Variants in NCOA6 observed in about 807,000 individuals in gnomAD.
The protein encoded by NCOA6 is NRC RAP250.
In NCOA6, 49 loss-of-function variants were observed where a neutral mutation model predicts 171.4. The observed-to-expected ratio is 0.29, with a 90% confidence interval of 0.23 to 0.36. NCOA6 has a LOEUF of 0.36. NCOA6 is among the 10% of genes least tolerant of loss of function. The pLI, the probability that NCOA6 is intolerant of heterozygous loss-of-function variation, is 1.00. For synonymous variants in NCOA6, 910 were observed against 927.5 expected (o/e 0.98, Z 0.34); for missense variants, 2,248 against 2,554.5 (o/e 0.88, Z 2.59).
chr20:34,822,116 C>T (rs1211218242), intron 1 of NCOA6, among the ~76,000 whole-genome samples: 16 of 152,128 alleles, frequency 1.1e-4, no homozygotes, highest in Admixed American at 9.8e-4. Context: ...TGCTCAGTGC[C>T]CACAGTCTCT....
intron 2 of NCOA6, among the ~76,000 whole-genome samples, chr20:34,785,894 CAG>C (rs1221061257): frequency 4.4e-5 from 6 of 135,924 alleles, no homozygotes; most frequent in Non-Finnish European, 9.5e-5. Context: ...AAAAAAAAAA[CAG>C]AGAGAAATTG....
In NCOA6 at chr20:34,751,376, C is replaced by CAAAAAAAAAAAAAAAAA. The variant is rs35848122; in HGVS notation, c.1676-874_1676-858dup. Among the ~76,000 whole-genome samples, 61 of 68,208 alleles carry CAAAAAAAAAAAAAAAAA rather than the reference C, an allele frequency of 8.9e-4. 1 individual carries two copies. The highest frequency in any genetic ancestry group is 2.0e-3 in the African/African-American group (33 of 16,724). 44.7% of individuals were successfully genotyped at this position (68,208 alleles called of 152,430 possible). ...TGGGCGACAGAGCAAGACTCCGTCTCAAAAAAAAAAAAAAAAAAAAGAATG... is the reference window on the plus strand; with the variant it reads ...TGGGCGACAGAGCAAGACTCCGTCTCAAAAAAAAAAAAAAAAAAAAAAAAAAAAAAAAAAAAAGAATG... On this transcript the variant is annotated intron_variant, in intron 8 of 14. Coordinates refer to ENST00000359003, the MANE Select transcript of NCOA6 (RefSeq NM_014071.5).
intron 7 of NCOA6, among the ~76,000 whole-genome samples, chr20:34,757,005 G>A (rs904951830): frequency 6.6e-5 from 10 of 152,154 alleles, no homozygotes; most frequent in South Asian, 6.2e-4. Context: ...AATTTTACCT[G>A]AATTTTAGTC....
chr20:34,742,278 T>G lies in NCOA6; in HGVS notation c.3978A>C (p.Pro1326=). 6.2e-7 allele frequency: 1 copy of G among 1,614,238 alleles called. No individual in the cohort carries two copies. Among genetic ancestry groups the G allele is most frequent in the Non-Finnish European group, 8.5e-7 (1 of 1,180,044 alleles). ...SNSGATKRAS[P]SNSRRSSPGS... ...CAGGACTAGACCTGCGACTGTTGCT[T>G]GGACTTGCCCGTTTTGTTGCTCCAG... The change falls in exon 11 of 15, where the codon CCA becomes CCC. Residue 1326 remains proline (P), a synonymous_variant. Transcript: ENST00000359003.
At chr20:34,731,881 T>A (rs187306877) in intron 13 of NCOA6, among the ~76,000 whole-genome samples, 8 of 152,010 alleles carry the variant, frequency 5.3e-5, no homozygotes, top group African/African-American at 1.9e-4. Flanking sequence ...ATTAGCTAGG[T>A]GTGGTGGTAC....
chr20:34,778,249 T>A (rs187293097), intron 3 of NCOA6, among the ~76,000 whole-genome samples: 1 of 152,112 alleles, frequency 6.6e-6, no homozygotes, highest in Non-Finnish European at 1.5e-5. Flanking sequence ...TCCTGCCACA[T>A]GAATGGGCTT....
chr20:34,749,261 C>T, intron 9 of NCOA6, 142 bp downstream of exon 9: 1 of 1,069,304 alleles, frequency 9.4e-7, no homozygotes, highest in Non-Finnish European at 1.3e-6. Context: ...GAAGGCAAGA[C>T]AGACTATGAG....
intron 4 of NCOA6, among the ~76,000 whole-genome samples, chr20:34,770,724 G>A (rs1600945359): frequency 6.6e-6 from 1 of 151,834 alleles, no homozygotes; most frequent in Non-Finnish European, 1.5e-5. Flanking sequence ...TCTGCCTCCG[G>A]GTTCAAGCGA....
At chr20:34,781,291 T>C (rs529343921) in intron 3 of NCOA6, among the ~76,000 whole-genome samples, 9 of 152,338 alleles carry the variant, frequency 5.9e-5, no homozygotes, top group African/African-American at 2.2e-4. Flanking sequence ...GGATTTGTGA[T>C]AAAAGGAATA....
In NCOA6 at chr20:34,804,506, C is replaced by CAA. The variant is rs11482821; in HGVS notation, c.-163-11945_-163-11944dup. On this transcript the variant is annotated intron_variant, in intron 1 of 14. Transcript: ENST00000359003. ...TGGGTAACAGAGTGAGACCCTGTCTCAAAAAAAAAAAAAAAAAGTTCATCA... is the reference window on the plus strand; with the variant it reads ...TGGGTAACAGAGTGAGACCCTGTCTCAAAAAAAAAAAAAAAAAAAGTTCATCA... 1.8e-3 allele frequency among the ~76,000 whole-genome samples: 204 copies of CAA among 113,670 alleles called. 2 individuals are homozygous for CAA. The South Asian group carries it at 0.027, about 15-fold the overall frequency. 74.6% of individuals were successfully genotyped at this position (113,670 alleles called of 152,430 possible). A position where few individuals can be genotyped will look rare whatever the true frequency, so the allele number is the denominator to read the frequency against.
chr20:34,766,423 T>C (rs1005726376), intron 5 of NCOA6, among the ~76,000 whole-genome samples: 1 of 152,014 alleles, frequency 6.6e-6, no homozygotes, highest in African/African-American at 2.4e-5. Flanking sequence ...TCAACCAGCC[T>C]GGTCAACATG....
intron 1 of NCOA6, among the ~76,000 whole-genome samples, chr20:34,814,755 C>T (rs1322436025): frequency 2.0e-5 from 3 of 152,104 alleles, no homozygotes; most frequent in African/African-American, 7.2e-5. Flanking sequence ...CCACGCCAGG[C>T]TAATTTTTGT....
intron 1 of NCOA6, among the ~76,000 whole-genome samples, chr20:34,813,459 C>CT: frequency 6.8e-6 from 1 of 146,202 alleles, no homozygotes; most frequent in South Asian, 2.1e-4. Context: ...GAGTGAAACT[C>CT]TGTCTTAAAA....
intron 11 of NCOA6, chr20:34,738,796 G>C (rs2076037257): frequency 6.7e-6 from 3 of 445,460 alleles, no homozygotes; most frequent in South Asian, 1.6e-5. Flanking sequence ...GCTTAGGAGA[G>C]GTTAAGGAAC....
intron 4 of NCOA6, among the ~76,000 whole-genome samples, chr20:34,770,388 A>G (rs1331049285): frequency 2.0e-5 from 3 of 152,148 alleles, no homozygotes; most frequent in African/African-American, 7.2e-5. Context: ...CAAACAGCCT[A>G]CCAAAAAGGA....
rs140114422 is a variant in NCOA6, at chr20:34,742,888, C to G, written c.3368G>C (p.Ser1123Thr). Residue 1123 changes from serine to threonine, a missense_variant, in exon 11 of 15, where the codon AGC (serine) becomes ACC (threonine). Coordinates refer to ENST00000359003, the MANE Select transcript of NCOA6 (RefSeq NM_014071.5). ...VYQESPQNPS[S>T]SPLAEMASLP... ...TGAGGCCATCTCCGCCAGTGGCGAG[C>G]TGGAAGGATTCTGCGGGCTCTCCTG... 8.1e-4 allele frequency: 1,313 copies of G among 1,614,232 alleles called. 1 individual carries two copies. The highest frequency in any genetic ancestry group is 1.0e-3 in the Non-Finnish European group (1,234 of 1,180,036).
At chr20:34,738,122 C>T (rs2076012770) in intron 11 of NCOA6, among the ~76,000 whole-genome samples, 1 of 152,156 alleles carries the variant, frequency 6.6e-6, no homozygotes, top group African/African-American at 2.4e-5. Context: ...GGCATGGTCT[C>T]AAACTCCTGG....
intron 12 of NCOA6, among the ~76,000 whole-genome samples, chr20:34,733,284 C>T (rs2075842667): frequency 6.6e-6 from 1 of 152,190 alleles, no homozygotes; most frequent in Admixed American, 6.5e-5. Context: ...TTCCAAAAGC[C>T]TTCCCTGATG....
In NCOA6 at chr20:34,735,990, G is replaced by A. The variant is rs143787367; in HGVS notation, c.5962+700C>T. Among the ~76,000 whole-genome samples the A allele has an allele frequency of 2.1e-4, 32 of 151,676 alleles. No individual in the cohort carries two copies. The East Asian group carries it at 5.4e-3, about 26-fold the overall frequency. On this transcript the variant is annotated intron_variant, in intron 12 of 14. Transcript: ENST00000359003. ...GATCTACAGTGACAAAGAATCAGGC[G>A]AAACTAAACTGTACCATATCTGCGA...
Sources: allele counts gnomAD v4.1 joint callset (sites outside exome capture counted in the v4.1 genomes callset), GRCh38; gene constraint gnomAD v4.1.1; transcripts MANE v1.5; gene names NCBI Gene and HGNC (gene_info 2026-07-23, HGNC 2026-07-21).